The following CAST variants were observed in gnomAD, a reference collection of about 807,000 sequenced individuals.
CAST encodes the protein MIR583 host.
Under a neutral mutation model 119.6 loss-of-function variants are expected in CAST, and 76 were observed. The ratio of observed to expected loss-of-function variants is 0.64; its 90% CI spans 0.53 to 0.77. The LOEUF (loss-of-function observed/expected upper bound fraction) is 0.77, where lower values mean the gene tolerates loss of function less well. Ranked by LOEUF, CAST falls within the 30% of genes least tolerant of loss-of-function variation. CAST has a pLI of 0.00. For synonymous variants in CAST, 319 were observed against 331.6 expected (o/e 0.96, Z 0.41); for missense variants, 953 against 946.5 (o/e 1.01, Z -0.09).
chr5:96,620,269 G>A (rs1194294557), intron 1 of CAST, among the ~76,000 whole-genome samples: 1 of 150,984 alleles, frequency 6.6e-6, no homozygotes. Flanking sequence ...AGGTGATGCA[G>A]GTGAAGCCAG....
At chr5:96,471,847 T>C in the CAST span, among the ~76,000 whole-genome samples, 2 of 151,086 alleles carry the variant, frequency 1.3e-5, no homozygotes, top group Admixed American at 6.6e-5. Flanking sequence ...TTAGCTTACA[T>C]TTTTTTTCTA....
chr5:96,223,038 A>G, the CAST span, among the ~76,000 whole-genome samples: 1 of 152,258 alleles, frequency 6.6e-6, no homozygotes, highest in East Asian at 1.9e-4. Flanking sequence ...GTTCTCACTC[A>G]TATCACTCAT....
At chr5:96,331,359 G>A in the CAST span, among the ~76,000 whole-genome samples, 8 of 152,304 alleles carry the variant, frequency 5.3e-5, no homozygotes, top group East Asian at 5.8e-4. Flanking sequence ...AGGAGAAGAT[G>A]ACAAAGGGGA....
chr5:96,011,304 A>G, the CAST span, among the ~76,000 whole-genome samples: 1 of 152,234 alleles, frequency 6.6e-6, no homozygotes, highest in African/African-American at 2.4e-5. Context: ...ATGAAGAGAT[A>G]GAGAATACAT....
chr5:96,372,103 G>A, the CAST span, among the ~76,000 whole-genome samples: 1 of 152,112 alleles, frequency 6.6e-6, no homozygotes, highest in African/African-American at 2.4e-5. Context: ...TTTTGGAAAT[G>A]GGAAAAATTG....
At chr5:96,240,129 T>C in the CAST span, among the ~76,000 whole-genome samples, 10 of 152,208 alleles carry the variant, frequency 6.6e-5, no homozygotes, top group African/African-American at 2.4e-4. Flanking sequence ...TACCATAGAT[T>C]ATTTTCATAA....
the CAST span, among the ~76,000 whole-genome samples, chr5:96,212,991 C>T: frequency 3.9e-5 from 6 of 152,188 alleles, no homozygotes; most frequent in Admixed American, 2.0e-4. Context: ...TGGTGGTGCA[C>T]ACCCGTAGTC....
the CAST span, among the ~76,000 whole-genome samples, chr5:96,040,095 G>C: frequency 6.6e-6 from 1 of 152,128 alleles, no homozygotes; most frequent in Non-Finnish European, 1.5e-5. Flanking sequence ...CACATCCCTT[G>C]TAAGTTGGAT....
the CAST span, among the ~76,000 whole-genome samples, chr5:96,446,995 A>G: frequency 6.6e-6 from 1 of 152,188 alleles, no homozygotes; most frequent in Non-Finnish European, 1.5e-5. Flanking sequence ...AATCACAAGC[A>G]CTGGCCAATT....
chr5:96,714,351 CT>C (rs776363055), intron 3 of CAST, among the ~76,000 whole-genome samples: 3 of 152,142 alleles, frequency 2.0e-5, no homozygotes, highest in Non-Finnish European at 4.4e-5. Context: ...ATTTAATGCC[CT>C]TCACTAAAGT....
At chr5:96,580,330 A>C (rs747169098) in intron 1 of CAST, among the ~76,000 whole-genome samples, 49 of 152,376 alleles carry the variant, frequency 3.2e-4, no homozygotes, top group Non-Finnish European at 5.9e-4. Context: ...GATAATGACA[A>C]AATATTGCAT....
the CAST span, among the ~76,000 whole-genome samples, chr5:96,291,096 A>G: frequency 6.6e-6 from 1 of 152,216 alleles, no homozygotes; most frequent in Admixed American, 6.5e-5. Context: ...TGAATGAATC[A>G]TCTTGGAAGC....
the CAST span, among the ~76,000 whole-genome samples, chr5:96,473,009 A>G: frequency 6.6e-6 from 1 of 152,204 alleles, no homozygotes; most frequent in East Asian, 1.9e-4. Flanking sequence ...TCCCATAGCC[A>G]CATGGCCTTC....
chr5:96,338,687 C>G, the CAST span, among the ~76,000 whole-genome samples: 1 of 152,272 alleles, frequency 6.6e-6, no homozygotes, highest in African/African-American at 2.4e-5. Flanking sequence ...AAGCGAACCC[C>G]TGGGAAGAGG....
the CAST span, chr5:96,319,141 G>C: frequency 4.6e-5 from 7 of 152,218 alleles, no homozygotes; most frequent in African/African-American, 1.7e-4. Context: ...CATGGCAAGA[G>C]AGGGAGCAAG....
At chr5:96,711,430 G>T (rs1303132125) in intron 3 of CAST, among the ~76,000 whole-genome samples, 2 of 152,160 alleles carry the variant, frequency 1.3e-5, no homozygotes, top group Non-Finnish European at 1.5e-5. Flanking sequence ...AACTCTACAG[G>T]ATGTAGATTT....
chr5:96,346,876 G>GT, the CAST span, among the ~76,000 whole-genome samples: 1 of 152,146 alleles, frequency 6.6e-6, no homozygotes, highest in Non-Finnish European at 1.5e-5. Context: ...AATAGTAGGT[G>GT]TGAATTGAGG....
chr5:96,414,835 A>C, the CAST span, among the ~76,000 whole-genome samples: 2 of 152,192 alleles, frequency 1.3e-5, no homozygotes, highest in Non-Finnish European at 2.9e-5. Context: ...TTAACAGAAC[A>C]CTTTGAAGAT....
intron 1 of CAST, among the ~76,000 whole-genome samples, chr5:96,581,904 A>ATAAT (rs1222837115): frequency 6.6e-6 from 1 of 151,708 alleles, no homozygotes; most frequent in African/African-American, 2.4e-5. Flanking sequence ...AAATAAATAA[A>ATAAT]TAAATAAATA....
Sources: gnomAD v4.1 joint callset for allele counts (sites outside exome capture counted in the v4.1 genomes callset) on GRCh38, gnomAD v4.1.1 for gene constraint, MANE v1.5 for transcripts, NCBI Gene and HGNC (gene_info 2026-07-23, HGNC 2026-07-21) for gene names.